Variants in NAALAD2 observed in about 807,000 individuals in gnomAD.
NAALAD2 encodes N-acetylated alpha-linked acidic dipeptidase 2.
A neutral mutation model predicts 95.6 loss-of-function variants in NAALAD2; 89 were observed. The ratio of observed to expected loss-of-function variants is 0.93; its 90% CI spans 0.78 to 1.11. The LOEUF (loss-of-function observed/expected upper bound fraction) is 1.11, where lower values mean the gene tolerates loss of function less well. Ranked by LOEUF, NAALAD2 falls within the 50% of genes least tolerant of loss-of-function variation. NAALAD2 has a pLI of 0.00. For missense variants in NAALAD2, 894 were observed against 872.4 expected, an observed-to-expected ratio of 1.02 and a Z score of -0.31; for synonymous variants, 264 against 294.4, an observed-to-expected ratio of 0.90 and a Z score of 1.06.
At chr11:90,151,311 A>T (rs1269437117) in intron 5 of NAALAD2, among the ~76,000 whole-genome samples, 1 of 152,172 alleles carries the variant, frequency 6.6e-6, no homozygotes, top group Non-Finnish European at 1.5e-5. Flanking sequence ...GCTGGTACTT[A>T]GTAATTTCTA....
intron 18 of NAALAD2, among the ~76,000 whole-genome samples, chr11:90,184,928 ATACAG>A (rs1246274324): frequency 6.6e-6 from 1 of 152,332 alleles, no homozygotes; most frequent in East Asian, 1.9e-4. Context: ...TATTCCCTAA[ATACAG>A]TAAACAACTA....
Position 90,175,989 on chromosome 11 carries a change from C to T in NAALAD2, c.1520C>T (p.Ser507Phe). 1.9e-6 allele frequency: 3 copies of T among 1,611,680 alleles called. No individual in the cohort carries two copies. The highest frequency in any genetic ancestry group is 1.1e-5 in the South Asian group (1 of 91,002). ...KNLPRINKLGSGSDFEAYFQR... is the reference protein window; with the variant it reads ...KNLPRINKLGFGSDFEAYFQR... ...ACATCTAGAATCAATAAGCTGGGAT[C>T]TGGAAGTGACTTTGAAGCTTATTTT... The change falls in exon 15 of 19, where the codon TCT (serine) becomes TTT (phenylalanine). Residue 507 changes from serine to phenylalanine, a missense_variant. Coordinates refer to ENST00000534061, the MANE Select transcript of NAALAD2 (RefSeq NM_005467.4).
intron 11 of NAALAD2, 73 bp downstream of exon 11, chr11:90,163,690 A>T: frequency 7.7e-7 from 1 of 1,301,788 alleles, no homozygotes; most frequent in South Asian, 1.2e-5. Flanking sequence ...TCTCAGGATG[A>T]TCAAAAATAT....
Position 90,178,028 on chromosome 11 carries a change from A to G in NAALAD2, c.1769A>G (p.Tyr590Cys), listed in dbSNP as rs201787529. 332 of 1,613,922 alleles carry G rather than the reference A, an allele frequency of 2.1e-4. No homozygotes were observed. Among genetic ancestry groups the G allele is most frequent in the Non-Finnish European group, 2.7e-4 (319 of 1,179,888 alleles). Residue 590 changes from tyrosine (Y) to cysteine (C), a missense_variant, in exon 16 of 19, where the codon TAT becomes TGT. Physicochemically the swap from Tyr to Cys is radical, Grantham distance 194. Transcript: ENST00000534061. ...ATCATTCCTTTTAATATTCAAGACT[A>G]TGCAGAAGCTTTGAAAAACTATGCA... ...SKIIPFNIQD[Y>C]AEALKNYAAS...
chr11:90,145,511 T>C (rs1023304333), intron 2 of NAALAD2, among the ~76,000 whole-genome samples: 9 of 152,234 alleles, frequency 5.9e-5, no homozygotes, highest in South Asian at 4.1e-4. Context: ...GCTGTTTTGC[T>C]TTTTTATTCC....
In NAALAD2 at chr11:90,178,436, C is replaced by T. The variant is rs550898593; in HGVS notation, c.1858+319C>T. Among the ~76,000 whole-genome samples the T allele has an allele frequency of 7.2e-5, 11 of 152,252 alleles. No individual in the cohort carries two copies. In the East Asian group the frequency reaches 1.4e-3, roughly 19 times the overall value. Reference sequence around the variant, plus strand: ...CCTGTAATCCCAGCACTTTGGGAGGCTGAGGCGGGCAGATGATGAGGTCAG... The same window carrying T: ...CCTGTAATCCCAGCACTTTGGGAGGTTGAGGCGGGCAGATGATGAGGTCAG... On this transcript the variant is annotated intron_variant, in intron 16 of 18. Transcript: ENST00000534061.
chr11:90,167,959 G>A (rs993141200), intron 11 of NAALAD2, among the ~76,000 whole-genome samples: 1 of 152,208 alleles, frequency 6.6e-6, no homozygotes, highest in Non-Finnish European at 1.5e-5. Context: ...CGGAGCAGCA[G>A]TGGCAACCCT....
At chr11:90,156,396 T>TC (rs1186914185) in intron 6 of NAALAD2, among the ~76,000 whole-genome samples, 1 of 152,066 alleles carries the variant, frequency 6.6e-6, no homozygotes, top group African/African-American at 2.4e-5. Flanking sequence ...GCTGTGATAT[T>TC]TATCATGTGC....
At chr11:90,186,939 C>G (rs1177778969) in intron 18 of NAALAD2, among the ~76,000 whole-genome samples, 1 of 142,164 alleles carries the variant, frequency 7.0e-6, no homozygotes, top group African/African-American at 2.6e-5. Flanking sequence ...TGACAAAGGG[C>G]TAATATCCAG....
At chr11:90,175,822 T>C (rs1952773748) in intron 14 of NAALAD2, 150 bp from the exon 15 acceptor site, 1 of 433,366 alleles carries the variant, frequency 2.3e-6, no homozygotes, top group Non-Finnish European at 4.1e-6. Context: ...GTCTTGATGG[T>C]GGTTGACCTT....
intron 16 of NAALAD2, among the ~76,000 whole-genome samples, chr11:90,178,490 T>G (rs1447443405): frequency 6.6e-6 from 1 of 152,014 alleles, no homozygotes; most frequent in Non-Finnish European, 1.5e-5. Flanking sequence ...GCTATTATGG[T>G]GAAACCGCGT....
intron 15 of NAALAD2, among the ~76,000 whole-genome samples, chr11:90,176,858 G>A (rs1005344378): frequency 3.9e-5 from 6 of 152,086 alleles, no homozygotes; most frequent in African/African-American, 1.4e-4. Context: ...CAACCCCAGA[G>A]TAACCCAAAA....
chr11:90,168,019 A>G (rs561568767), intron 11 of NAALAD2, among the ~76,000 whole-genome samples: 3 of 152,270 alleles, frequency 2.0e-5, no homozygotes, highest in South Asian at 4.1e-4. Context: ...GCTCTTTGCA[A>G]TATTGCTGCT....
intron 11 of NAALAD2, chr11:90,164,281 G>C (rs1309764289): frequency 6.6e-6 from 1 of 151,940 alleles, no homozygotes; most frequent in Non-Finnish European, 1.5e-5. Flanking sequence ...GTCTCTCCTA[G>C]GGCCCTTTTC....
Position 90,159,308 on chromosome 11 carries a change from A to G in NAALAD2, c.960A>G (p.Gly320=). Residue 320 remains glycine (G), a synonymous_variant, in exon 8 of 19, where the codon GGA becomes GGG. Coordinates refer to ENST00000534061, the MANE Select transcript of NAALAD2 (RefSeq NM_005467.4). The part of the protein sequence containing the change: ...KGALNVSYSI[G]PGFTGSDSFR... The stretch of plus-strand genomic sequence containing the variant: ...CCCTTAATGTGAGTTATAGTATCGG[A>G]CCTGGCTTTACAGGGAGTGATTCTT... 2.5e-6 allele frequency: 4 copies of G among 1,613,744 alleles called. No homozygotes were observed. The highest frequency in any genetic ancestry group is 3.4e-6 in the Non-Finnish European group (4 of 1,179,778).
chr11:90,175,862 T>C, intron 14 of NAALAD2, 110 bp from the exon 15 acceptor site: 1 of 569,748 alleles, frequency 1.8e-6, no homozygotes, highest in Non-Finnish European at 3.1e-6. Context: ...TAATATATAA[T>C]TCCTTGCTAT....
intron 6 of NAALAD2, among the ~76,000 whole-genome samples, chr11:90,154,250 C>T (rs1486770822): frequency 6.6e-6 from 1 of 151,882 alleles, no homozygotes; most frequent in Non-Finnish European, 1.5e-5. Context: ...AGTATCCAGT[C>T]TTTCTCTGTT....
intron 18 of NAALAD2, 30 bp from the exon 19 acceptor site, chr11:90,191,528 G>A: frequency 6.7e-7 from 1 of 1,501,148 alleles, no homozygotes; most frequent in Non-Finnish European, 8.9e-7. Context: ...ATACACTTTA[G>A]TTCAATTTGC....
intron 8 of NAALAD2, among the ~76,000 whole-genome samples, chr11:90,161,872 T>G (rs1340015146): frequency 1.3e-5 from 2 of 152,070 alleles, no homozygotes; most frequent in African/African-American, 4.8e-5. Flanking sequence ...TTTCTGCTAT[T>G]AATTTTCATC....
Sources: allele counts gnomAD v4.1 joint callset (sites outside exome capture counted in the v4.1 genomes callset), GRCh38; gene constraint gnomAD v4.1.1; transcripts MANE v1.5; gene names NCBI Gene and HGNC (gene_info 2026-07-23, HGNC 2026-07-21).